The following COP1 variants were observed in gnomAD, a reference collection of about 807,000 sequenced individuals.
COP1 encodes the protein E3 ubiquitin-protein ligase COP1.
In COP1, 24 loss-of-function variants were observed where a neutral mutation model predicts 101.3. The ratio of observed to expected loss-of-function variants is 0.24; its 90% CI spans 0.17 to 0.33. The LOEUF (loss-of-function observed/expected upper bound fraction) is 0.33. Among genes scored for constraint, COP1 ranks in the 10% least tolerant of loss-of-function variants. COP1 has a pLI of 1.00. For missense variants in COP1, 663 were observed against 906.2 expected (o/e 0.73, Z 3.45); for synonymous variants, 347 against 341.9 (o/e 1.01, Z -0.17).
chr1:176,063,786 T>C (rs990446280), intron 11 of COP1, among the ~76,000 whole-genome samples: 1 of 152,220 alleles, frequency 6.6e-6, no homozygotes, highest in Non-Finnish European at 1.5e-5. Context: ...AATAGGAAAC[T>C]TTCTGCTATA....
intron 7 of COP1, among the ~76,000 whole-genome samples, chr1:176,135,399 C>T (rs2149732947): frequency 6.6e-6 from 1 of 152,036 alleles, no homozygotes; most frequent in East Asian, 1.9e-4. Flanking sequence ...ATGACATGTA[C>T]ATTATACTAT....
chr1:176,001,792 A>G (rs1271629304), intron 15 of COP1, among the ~76,000 whole-genome samples: 1 of 152,082 alleles, frequency 6.6e-6, no homozygotes, highest in Admixed American at 6.6e-5. Context: ...GTCTCCTGAC[A>G]AAGAACTCAC....
chr1:176,126,208 A>C (rs547297323), intron 8 of COP1, among the ~76,000 whole-genome samples: 16 of 152,202 alleles, frequency 1.1e-4, no homozygotes, highest in African/African-American at 2.2e-4. Flanking sequence ...GATGCTCTTT[A>C]TTTCTTTCTC....
chr1:176,024,024 G>A (rs568201213), intron 15 of COP1, among the ~76,000 whole-genome samples: 3 of 152,164 alleles, frequency 2.0e-5, no homozygotes, highest in South Asian at 2.1e-4. Flanking sequence ...TTGGGAGGCC[G>A]AGGCAGGCAG....
chr1:175,989,127 T>C (rs1028752356), intron 16 of COP1: 1 of 337,300 alleles, frequency 3.0e-6, no homozygotes, highest in Admixed American at 4.4e-5. Context: ...GGGGAGGGTA[T>C]ATAAAAAACT....
intron 7 of COP1, among the ~76,000 whole-genome samples, chr1:176,136,257 C>T (rs1689779886): frequency 6.6e-6 from 1 of 151,726 alleles, no homozygotes; most frequent in African/African-American, 2.4e-5. Flanking sequence ...TCAGTCTAAT[C>T]GAGAAAAATT....
At chr1:176,006,377 T>C (rs149001366) in intron 15 of COP1, among the ~76,000 whole-genome samples, 3 of 152,336 alleles carry the variant, frequency 2.0e-5, no homozygotes, top group South Asian at 2.1e-4. Flanking sequence ...ATGTGTGAAT[T>C]TGATCCTGTC....
At chr1:175,997,228 C>G (rs1022854272) in intron 15 of COP1, among the ~76,000 whole-genome samples, 6 of 151,448 alleles carry the variant, frequency 4.0e-5, no homozygotes, top group African/African-American at 1.5e-4. Flanking sequence ...CCCTTCCTTA[C>G]ACCTTATACA....
intron 11 of COP1, among the ~76,000 whole-genome samples, chr1:176,079,288 C>A (rs1049462364): frequency 6.6e-6 from 1 of 152,060 alleles, no homozygotes; most frequent in African/African-American, 2.4e-5. Flanking sequence ...ACATGGAATA[C>A]AACATAGCCT....
At chr1:176,063,693 T>C (rs941650116) in intron 11 of COP1, among the ~76,000 whole-genome samples, 2 of 152,198 alleles carry the variant, frequency 1.3e-5, no homozygotes, top group Non-Finnish European at 1.5e-5. Flanking sequence ...TATAGCTAAG[T>C]TGCCTAAACA....
At chr1:176,093,960 T>A (rs1572190581) in intron 9 of COP1, among the ~76,000 whole-genome samples, 1 of 150,718 alleles carries the variant, frequency 6.6e-6, no homozygotes, top group South Asian at 2.1e-4. Context: ...GAAGCGGAGG[T>A]TGTAGTAAGC....
At chr1:175,955,801 C>CACACACACACACAT (rs1553275345) in intron 18 of COP1, among the ~76,000 whole-genome samples, 1 of 150,972 alleles carries the variant, frequency 6.6e-6, no homozygotes, top group Non-Finnish European at 1.5e-5. Context: ...CACACACACA[C>CACACACACACACAT]GGCCTACATA....
chr1:176,181,719 T>C (rs1697790248), intron 2 of COP1, among the ~76,000 whole-genome samples: 1 of 151,940 alleles, frequency 6.6e-6, no homozygotes, highest in South Asian at 2.1e-4. Context: ...CACACGCCTG[T>C]AATCCCAGCT....
At chr1:176,058,323 A>G (rs1674162159) in intron 11 of COP1, among the ~76,000 whole-genome samples, 1 of 152,176 alleles carries the variant, frequency 6.6e-6, no homozygotes, top group African/African-American at 2.4e-5. Context: ...TGTGGAATAG[A>G]AAAGGGGGAA....
chr1:176,188,691 A>C (rs1698758980), intron 1 of COP1, among the ~76,000 whole-genome samples: 1 of 152,124 alleles, frequency 6.6e-6, no homozygotes, highest in Non-Finnish European at 1.5e-5. Flanking sequence ...TTACTACCGT[A>C]ACTGTTTTGG....
At chr1:176,065,981 C>T (rs1272762864) in intron 11 of COP1, among the ~76,000 whole-genome samples, 1 of 152,112 alleles carries the variant, frequency 6.6e-6, no homozygotes, top group Non-Finnish European at 1.5e-5. Context: ...CTGCCTCGGC[C>T]TCCCAAAGTT....
chr1:175,987,593 T>C (rs1166074177), intron 17 of COP1, among the ~76,000 whole-genome samples: 2 of 152,206 alleles, frequency 1.3e-5, no homozygotes, highest in African/African-American at 4.8e-5. Flanking sequence ...ATAGGAATTA[T>C]TCTATTAATG....
chr1:176,063,303 A>G (rs969952198), intron 11 of COP1, among the ~76,000 whole-genome samples: 1 of 148,664 alleles, frequency 6.7e-6, no homozygotes, highest in African/African-American at 2.5e-5. Flanking sequence ...CTCATGATCC[A>G]CCCGCCTCGG....
intron 15 of COP1, among the ~76,000 whole-genome samples, chr1:176,002,206 T>A (rs1395203724): frequency 6.6e-6 from 1 of 152,262 alleles, no homozygotes; most frequent in South Asian, 2.1e-4. Context: ...CTTTTGGAAA[T>A]CTACAAATGT....
Sources: allele counts gnomAD v4.1 joint callset (sites outside exome capture counted in the v4.1 genomes callset), GRCh38; gene constraint gnomAD v4.1.1; transcripts MANE v1.5; gene names NCBI Gene and HGNC (gene_info 2026-07-23, HGNC 2026-07-21).